The following RFTN1 variants were observed in gnomAD, a reference collection of about 807,000 sequenced individuals.
The protein encoded by RFTN1 is raftlin.
A neutral mutation model predicts 46.5 loss-of-function variants in RFTN1; 26 were observed. The observed-to-expected ratio is 0.56, with a 90% confidence interval of 0.41 to 0.78. The LOEUF (loss-of-function observed/expected upper bound fraction) is 0.78, where lower values mean the gene tolerates loss of function less well. Ranked by LOEUF, RFTN1 falls within the 30% of genes least tolerant of loss-of-function variation. RFTN1 has a pLI of 0.00. For missense variants in RFTN1, 693 were observed against 718.7 expected (o/e 0.96, Z 0.41); for synonymous variants, 261 against 284.2 (o/e 0.92, Z 0.82).
rs556199260 is a variant in RFTN1 at position 16,509,112 on chromosome 3, CAAT to C, written c.-9+4327_-9+4329del. 5.0e-4 allele frequency among the ~76,000 whole-genome samples: 76 copies of C among 152,184 alleles called. No individual in the cohort carries two copies. Among genetic ancestry groups the C allele is most frequent in the African/African-American group, 1.8e-3 (74 of 41,504 alleles). Reference sequence around the variant, plus strand: ...CAATAAAATTGTAATCCTAATCAACCAATAATATTTTAAATTATCATCAAAATT... The same window carrying C: ...CAATAAAATTGTAATCCTAATCAACCAATATTTTAAATTATCATCAAAATT... On this transcript the variant is annotated intron_variant, in intron 1 of 9. Coordinates refer to ENST00000334133, the MANE Select transcript of RFTN1 (RefSeq NM_015150.2). This position sits in a 1 kb window ranked among gnomAD's most constrained non-coding sequence, Gnocchi z 4.9.
rs1246045293 is a variant in RFTN1 at position 16,382,292 on chromosome 3, C to G, written c.442-4190G>C. Among the ~76,000 whole-genome samples, 3 of 152,164 alleles carry G rather than the reference C, an allele frequency of 2.0e-5. No individual in the cohort carries two copies. On this transcript the variant is annotated intron_variant, in intron 4 of 9. Coordinates refer to ENST00000334133, the MANE Select transcript of RFTN1 (RefSeq NM_015150.2). The surrounding 1 kb of genome is among the most constrained non-coding windows in gnomAD (Gnocchi z 4.7). Reference sequence around the variant, plus strand: ...AGATTTTATGAAGATCAATATTTGGCTAGATCTAGGGGCCACGACTCTTAC... The same window carrying G: ...AGATTTTATGAAGATCAATATTTGGGTAGATCTAGGGGCCACGACTCTTAC...
At chr3:16,354,704 C>G (rs550244320) in intron 7 of RFTN1, among the ~76,000 whole-genome samples, 1 of 152,226 alleles carries the variant, frequency 6.6e-6, no homozygotes, top group Admixed American at 6.5e-5. Context: ...TTCTTGACAA[C>G]GAAGCCAGGC....
rs2075248533 is a variant in RFTN1 at position 16,424,289 on chromosome 3, G to A, written c.332+9562C>T. Among the ~76,000 whole-genome samples the A allele has an allele frequency of 6.6e-6, 1 of 152,208 alleles. No individual in the cohort carries two copies. Among genetic ancestry groups the A allele is most frequent in the South Asian group, 2.1e-4 (1 of 4,828 alleles). ...TTACCCACTCCAAACTTCGGACTGA[G>A]AAGTCGTTAATGACTTCTTCAGCCT... is the stretch of plus-strand genomic sequence containing the variant. On this transcript the variant is annotated intron_variant, in intron 3 of 9. Transcript: ENST00000334133. This position sits in a 1 kb window ranked among gnomAD's most constrained non-coding sequence, Gnocchi z 4.7.
Position 16,424,939 on chromosome 3 carries a change from C to CA in RFTN1, c.332+8911dup, listed in dbSNP as rs2075261691. The stretch of plus-strand genomic sequence containing the variant: ...TATATCTTTTTCAGCTTGAAAAACA[C>CA]ACAAAAAAAATCTAAGTTACTTCTG... On this transcript the variant is annotated intron_variant, in intron 3 of 9. Coordinates refer to ENST00000334133, the MANE Select transcript of RFTN1 (RefSeq NM_015150.2). The surrounding 1 kb of genome is among the most constrained non-coding windows in gnomAD (Gnocchi z 4.7). Among the ~76,000 whole-genome samples, 1 of 138,352 alleles carries CA rather than the reference C, an allele frequency of 7.2e-6. No homozygotes were observed. The highest frequency in any genetic ancestry group is 1.6e-5 in the Non-Finnish European group (1 of 61,130). 90.8% of individuals were successfully genotyped at this position (138,352 alleles called of 152,430 possible). A position where few individuals can be genotyped will look rare whatever the true frequency, so the allele number is the denominator to read the frequency against.
rs144385412 is a variant in RFTN1 at position 16,362,470 on chromosome 3, T to C, written c.1031-4423A>G. Among the ~76,000 whole-genome samples, 1,386 of 152,294 alleles carry C rather than the reference T, an allele frequency of 9.1e-3. 25 individuals are homozygous for C. Among genetic ancestry groups the C allele is most frequent in the African/African-American group, 0.033 (1,351 of 41,554 alleles). On this transcript the variant is annotated intron_variant, in intron 6 of 9. Coordinates refer to ENST00000334133, the MANE Select transcript of RFTN1 (RefSeq NM_015150.2). ...GAGTATGGACCATAGTCCAGCTTAC[T>C]TTTTAAGTCCTGGGTAACACTCCAG...
At chr3:16,367,721 C>T (rs2073279263) in intron 6 of RFTN1, among the ~76,000 whole-genome samples, 1 of 152,204 alleles carries the variant, frequency 6.6e-6, no homozygotes, top group Non-Finnish European at 1.5e-5. Flanking sequence ...AAGTTGTCTG[C>T]ATTTCTGGAC....
chr3:16,401,113 A>C (rs2074589994), intron 4 of RFTN1, among the ~76,000 whole-genome samples: 1 of 152,100 alleles, frequency 6.6e-6, no homozygotes, highest in South Asian at 2.1e-4. Context: ...GGAATTCAAG[A>C]CCAACCTGGT....
rs1167611254 is a variant in RFTN1, at chr3:16,356,446, T to C, written c.1146+1486A>G. ...AGTTCCTTTGGGTACTCCATTGCTA[T>C]CACACTTGCAAGCAGTTATTTCTCA... On this transcript the variant is annotated intron_variant, in intron 7 of 9. Coordinates refer to ENST00000334133, the MANE Select transcript of RFTN1 (RefSeq NM_015150.2). This position sits in a 1 kb window ranked among gnomAD's most constrained non-coding sequence, Gnocchi z 4.9. 6.6e-6 allele frequency among the ~76,000 whole-genome samples: 1 copy of C among 152,220 alleles called. No individual in the cohort carries two copies. Among genetic ancestry groups the C allele is most frequent in the Non-Finnish European group, 1.5e-5 (1 of 68,040 alleles).
At chr3:16,330,764 T>C (rs557668201) in intron 7 of RFTN1, among the ~76,000 whole-genome samples, 4 of 152,224 alleles carry the variant, frequency 2.6e-5, no homozygotes, top group Admixed American at 1.3e-4. Context: ...ACTAAAGAAA[T>C]AGACATCCTA....
In RFTN1 at chr3:16,345,844, ATGTG is replaced by A. The variant is rs1387238175; in HGVS notation, c.1146+12084_1146+12087del. Among the ~76,000 whole-genome samples, 867 of 48,862 alleles carry A rather than the reference ATGTG, an allele frequency of 0.018. 9 individuals are homozygous for A. The highest frequency in any genetic ancestry group is 0.074 in the African/African-American group (813 of 10,956). The allele number at this position is 48,862 out of a possible 152,430, so 32.1% of individuals were successfully genotyped here. On this transcript the variant is annotated intron_variant, in intron 7 of 9. Coordinates refer to ENST00000334133, the MANE Select transcript of RFTN1 (RefSeq NM_015150.2). The surrounding 1 kb of genome is among the most constrained non-coding windows in gnomAD (Gnocchi z 5.2). ...CGCGCGCGCGTGCGCGCACGCGCACATGTGCATGTGTATGTGTATAATCTCCTAC... is the reference window on the plus strand; with the variant it reads ...CGCGCGCGCGTGCGCGCACGCGCACACATGTGTATGTGTATAATCTCCTAC...
Position 16,361,516 on chromosome 3 carries a change from G to GTA in RFTN1, c.1031-3471_1031-3470dup, listed in dbSNP as rs2125340161. Among the ~76,000 whole-genome samples, 1 of 152,312 alleles carries GTA rather than the reference G, an allele frequency of 6.6e-6. No homozygotes were observed. Among genetic ancestry groups the GTA allele is most frequent in the East Asian group, 1.9e-4 (1 of 5,184 alleles). ...GGCTATTTTTGAAAGAGGCATCAGG[G>GTA]TAGGGCTCCCCACTTCGAGTGAACT... On this transcript the variant is annotated intron_variant, in intron 6 of 9. Transcript: ENST00000334133. This position sits in a 1 kb window ranked among gnomAD's most constrained non-coding sequence, Gnocchi z 4.3.
rs1320060445 is a variant in RFTN1 at position 16,425,703 on chromosome 3, G to A, written c.332+8148C>T. ...TTCCCCCAAGAGAAGGTGGCTTTAC[G>A]CTGGCATATGAGATTGAAAAGTGCA... is the stretch of plus-strand genomic sequence containing the variant. On this transcript the variant is annotated intron_variant, in intron 3 of 9. Coordinates refer to ENST00000334133, the MANE Select transcript of RFTN1 (RefSeq NM_015150.2). This position sits in a 1 kb window ranked among gnomAD's most constrained non-coding sequence, Gnocchi z 4.3. 1.3e-5 allele frequency among the ~76,000 whole-genome samples: 2 copies of A among 152,080 alleles called. No individual in the cohort carries two copies. Among genetic ancestry groups the A allele is most frequent in the Non-Finnish European group, 2.9e-5 (2 of 68,028 alleles).
At chr3:16,355,785 A>G (rs1409947243) in intron 7 of RFTN1, among the ~76,000 whole-genome samples, 1 of 152,230 alleles carries the variant, frequency 6.6e-6, no homozygotes, top group East Asian at 1.9e-4. Flanking sequence ...AACTTCCCAC[A>G]TGATGCTGAG....
chr3:16,394,649 C>A (rs1030254555), intron 4 of RFTN1, among the ~76,000 whole-genome samples: 2 of 152,136 alleles, frequency 1.3e-5, no homozygotes, highest in African/African-American at 4.8e-5. Context: ...CAGGTGTGTT[C>A]ATTTTGTGCT....
rs995053191 is a variant in RFTN1 at position 16,433,445 on chromosome 3, G to A, written c.332+406C>T. Among the ~76,000 whole-genome samples the A allele has an allele frequency of 5.3e-5, 8 of 152,210 alleles. No homozygotes were observed. Among genetic ancestry groups the A allele is most frequent in the South Asian group, 2.1e-4 (1 of 4,820 alleles). On this transcript the variant is annotated intron_variant, in intron 3 of 9. Transcript: ENST00000334133. The surrounding 1 kb of genome is among the most constrained non-coding windows in gnomAD (Gnocchi z 4.4). Reference sequence around the variant, plus strand: ...ATGTTAAAGTATTTCTAGACTTTGCGGGAAGACATTAAGTTTGTCTATAGC... The same window carrying A: ...ATGTTAAAGTATTTCTAGACTTTGCAGGAAGACATTAAGTTTGTCTATAGC...
At position 16,409,472 on chromosome 3, in the gene RFTN1, G is replaced by C. The variant is rs771236667; in HGVS notation, c.344C>G (p.Thr115Ser). Residue 115 changes from threonine (T) to serine (S), a missense_variant, in exon 4 of 10, where the codon ACT (threonine) becomes AGT (serine). By Grantham distance (58) the Thr-to-Ser change is moderately conservative. Coordinates refer to ENST00000334133, the MANE Select transcript of RFTN1 (RefSeq NM_015150.2). Reference protein sequence around the residue: ...LIKKTDRSQKTDLHNEGYILE... With the variant: ...LIKKTDRSQKSDLHNEGYILE... ...GATGTAGCCTTCATTGTGAAGATCA[G>C]TTTTCTGAGATCTGAAGAGAAAGAA... The C allele has an allele frequency of 5.0e-6, 8 of 1,609,380 alleles. No individual in the cohort carries two copies. Among genetic ancestry groups the C allele is most frequent in the Non-Finnish European group, 2.6e-6 (3 of 1,175,930 alleles).
At chr3:16,454,780 T>G in intron 2 of RFTN1, 1 of 985,398 alleles carries the variant, frequency 1.0e-6, no homozygotes, top group Non-Finnish European at 1.2e-6. Flanking sequence ...GCACTCACCA[T>G]CACAGTTTTC....
rs1021124507 is a variant in RFTN1, at chr3:16,509,970, C to G, written c.-9+3472G>C. 6.6e-6 allele frequency among the ~76,000 whole-genome samples: 1 copy of G among 152,154 alleles called. No homozygotes were observed. The highest frequency in any genetic ancestry group is 2.1e-4 in the South Asian group (1 of 4,824). Reference sequence around the variant, plus strand: ...GATGCAAAACATGCATCCTGGGGTCCCACTCAGACAGAAAAGTTCACTTCC... The same window carrying G: ...GATGCAAAACATGCATCCTGGGGTCGCACTCAGACAGAAAAGTTCACTTCC... On this transcript the variant is annotated intron_variant, in intron 1 of 9. Coordinates refer to ENST00000334133, the MANE Select transcript of RFTN1 (RefSeq NM_015150.2). This position sits in a 1 kb window ranked among gnomAD's most constrained non-coding sequence, Gnocchi z 4.9.
intron 4 of RFTN1, among the ~76,000 whole-genome samples, chr3:16,388,232 C>T (rs2074254156): frequency 6.6e-6 from 1 of 152,194 alleles, no homozygotes; most frequent in Non-Finnish European, 1.5e-5. Context: ...CTCCATCTCC[C>T]TACAACTGGT....
Sources: allele counts gnomAD v4.1 joint callset (sites outside exome capture counted in the v4.1 genomes callset), GRCh38; gene constraint gnomAD v4.1.1; non-coding constraint Gnocchi (gnomAD v3.1); transcripts MANE v1.5; gene names NCBI Gene and HGNC (gene_info 2026-07-23, HGNC 2026-07-21).